Variants in MACROD2 observed in about 807,000 individuals in gnomAD.
The protein encoded by MACROD2 is mono-ADP ribosylhydrolase 2.
In MACROD2, 36 loss-of-function variants were observed where a neutral mutation model predicts 70.4. That is an observed-to-expected ratio of 0.51 (90% confidence interval 0.39 to 0.68). MACROD2 has a LOEUF of 0.68. Among genes scored for constraint, MACROD2 ranks in the 30% least tolerant of loss-of-function variants. The pLI is 0.00. For synonymous variants in MACROD2, 172 were observed against 178.8 expected, an observed-to-expected ratio of 0.96 and a Z score of 0.30; for missense variants, 496 against 538.4, an observed-to-expected ratio of 0.92 and a Z score of 0.78.
At chr20:15,016,504 T>A (rs1401446081) in intron 5 of MACROD2, among the ~76,000 whole-genome samples, 2 of 152,114 alleles carry the variant, frequency 1.3e-5, no homozygotes, top group Non-Finnish European at 2.9e-5. Context: ...GGCAGATCCC[T>A]CAAGATGGCT....
At chr20:14,886,992 T>C (rs560203133) in intron 5 of MACROD2, among the ~76,000 whole-genome samples, 32 of 152,260 alleles carry the variant, frequency 2.1e-4, no homozygotes, top group Middle Eastern at 3.4e-3. Context: ...TCTCTGAAAA[T>C]AAATGTTCAT....
chr20:14,207,142 G>C (rs1259175667), intron 3 of MACROD2, among the ~76,000 whole-genome samples: 1 of 151,634 alleles, frequency 6.6e-6, no homozygotes, highest in Non-Finnish European at 1.5e-5. Context: ...GTCTTGCTCT[G>C]TCACTCAGGC....
intron 5 of MACROD2, among the ~76,000 whole-genome samples, chr20:15,134,790 G>C (rs989378078): frequency 1.3e-5 from 2 of 152,058 alleles, no homozygotes; most frequent in African/African-American, 4.8e-5. Context: ...CTGGTTTTTT[G>C]AAAGGATCAA....
In MACROD2 at chr20:14,363,816, C is replaced by CAAAA. The variant is rs569929488; in HGVS notation, c.272-129633_272-129630dup. On this transcript the variant is annotated intron_variant, in intron 3 of 17. Coordinates refer to ENST00000684519, the MANE Select transcript of MACROD2 (RefSeq NM_001351661.2). ...TGGGCGACAGAGCCAGACTCTGTCT[C>CAAAA]AAAAAAAAAAAAAAAAAAAAAAAAA... Among the ~76,000 whole-genome samples the CAAAA allele has an allele frequency of 3.2e-3, 230 of 71,568 alleles. 5 individuals carry two copies. Among genetic ancestry groups the CAAAA allele is most frequent in the African/African-American group, 6.3e-3 (102 of 16,114 alleles). The allele number at this position is 71,568 out of a possible 152,430, so 47.0% of individuals were successfully genotyped here.
At chr20:14,446,768 C>T (rs564029584) in intron 3 of MACROD2, among the ~76,000 whole-genome samples, 15 of 152,132 alleles carry the variant, frequency 9.9e-5, no homozygotes, top group African/African-American at 3.6e-4. Context: ...ACACATTTCA[C>T]CAAACACTCC....
At chr20:15,213,942 A>G (rs535835600) in intron 5 of MACROD2, among the ~76,000 whole-genome samples, 4 of 151,626 alleles carry the variant, frequency 2.6e-5, no homozygotes, top group East Asian at 3.9e-4. Context: ...CACGGTCTCC[A>G]TAAAAGAAAC....
At chr20:14,510,500 A>C (rs2085017941) in intron 4 of MACROD2, among the ~76,000 whole-genome samples, 1 of 152,060 alleles carries the variant, frequency 6.6e-6, no homozygotes. Flanking sequence ...CTCCTCTTGA[A>C]TATTTTAGTG....
intron 8 of MACROD2, among the ~76,000 whole-genome samples, chr20:15,862,431 C>T (rs73898563): frequency 0.046 from 7,077 of 152,200 alleles, 359 homozygotes; most frequent in East Asian, 0.13. Context: ...GCTATCCTGT[C>T]GGAATCTCAG....
intron 5 of MACROD2, among the ~76,000 whole-genome samples, chr20:14,977,345 T>G (rs1430642047): frequency 6.6e-6 from 1 of 151,452 alleles, no homozygotes; most frequent in Admixed American, 6.6e-5. Flanking sequence ...CAACTTAGCT[T>G]CTTCTTTTTA....
At chr20:14,654,545 CAAA>C (rs202212319) in intron 4 of MACROD2, among the ~76,000 whole-genome samples, 1 of 83,716 alleles carries the variant, frequency 1.2e-5, no homozygotes, top group African/African-American at 4.7e-5. Flanking sequence ...GACTCCATCT[CAAA>C]AAAAAAAAAA....
intron 4 of MACROD2, among the ~76,000 whole-genome samples, chr20:14,576,728 C>A (rs1980626362): frequency 6.6e-6 from 1 of 152,014 alleles, no homozygotes; most frequent in Non-Finnish European, 1.5e-5. Flanking sequence ...AGAGGCCACC[C>A]CCTTTTAAAA....
At position 15,707,930 on chromosome 20, in the gene MACROD2, C is replaced by T. The variant is rs980470646; in HGVS notation, c.646-154815C>T. Among the ~76,000 whole-genome samples, 12 of 151,000 alleles carry T rather than the reference C, an allele frequency of 7.9e-5. No individual in the cohort carries two copies. In the South Asian group the frequency reaches 8.3e-4, roughly 10 times the overall value. On this transcript the variant is annotated intron_variant, in intron 8 of 17. Coordinates refer to ENST00000684519, the MANE Select transcript of MACROD2 (RefSeq NM_001351661.2). Reference sequence around the variant, plus strand: ...AAGGCTGCATGGTGTGAGTGGTCACCGAGTTCTTCTCTTAAAGGCAGTGAT... The same window carrying T: ...AAGGCTGCATGGTGTGAGTGGTCACTGAGTTCTTCTCTTAAAGGCAGTGAT...
chr20:15,657,952 C>T (rs897183285), intron 8 of MACROD2, among the ~76,000 whole-genome samples: 39 of 152,238 alleles, frequency 2.6e-4, no homozygotes, highest in African/African-American at 9.4e-4. Flanking sequence ...GAGACTGAGC[C>T]ATTGCACTCC....
At chr20:14,011,054 G>A (rs913878458) in intron 2 of MACROD2, among the ~76,000 whole-genome samples, 1 of 152,052 alleles carries the variant, frequency 6.6e-6, no homozygotes, top group Non-Finnish European at 1.5e-5. Flanking sequence ...TGTGTGTAGT[G>A]CTGCTTAAAG....
Position 15,009,291 on chromosome 20 carries a change from A to G in MACROD2, c.419-220649A>G, listed in dbSNP as rs73093936. On this transcript the variant is annotated intron_variant, in intron 5 of 17. Transcript: ENST00000684519. ...GCCCCTTAAGTTGATTCCTCCCCAAAGAAGCCTAAAACATATAGGATTCTT... is the reference window on the plus strand; with the variant it reads ...GCCCCTTAAGTTGATTCCTCCCCAAGGAAGCCTAAAACATATAGGATTCTT... Among the ~76,000 whole-genome samples, 638 of 152,232 alleles carry G rather than the reference A, an allele frequency of 4.2e-3. 1 individual carries two copies. Among genetic ancestry groups the G allele is most frequent in the Non-Finnish European group, 6.8e-3 (464 of 68,012 alleles).
At chr20:15,753,058 A>C (rs550900889) in intron 8 of MACROD2, among the ~76,000 whole-genome samples, 2 of 152,030 alleles carry the variant, frequency 1.3e-5, no homozygotes, top group East Asian at 3.9e-4. Context: ...GCAGTTGACC[A>C]TGTGTAGATC....
intron 8 of MACROD2, among the ~76,000 whole-genome samples, chr20:15,721,592 A>AT (rs2050788051): frequency 6.6e-6 from 1 of 152,160 alleles, no homozygotes; most frequent in African/African-American, 2.4e-5. Context: ...TTATTTTAGA[A>AT]TTTTTTCCTA....
At chr20:15,653,237 T>G (rs2049673337) in intron 8 of MACROD2, among the ~76,000 whole-genome samples, 1 of 152,228 alleles carries the variant, frequency 6.6e-6, no homozygotes, top group African/African-American at 2.4e-5. Flanking sequence ...GCACATAAAT[T>G]GCTATGTCTT....
chr20:15,191,945 G>GAGAA lies in MACROD2; in HGVS notation c.419-37995_419-37994insAGAA, dbSNP rs1555791172. On this transcript the variant is annotated intron_variant, in intron 5 of 17. Coordinates refer to ENST00000684519, the MANE Select transcript of MACROD2 (RefSeq NM_001351661.2). ...ATATATATATATAGAGAGAGAGAGA[G>GAGAA]TTAATACATATATACAACTTTATAT... Among the ~76,000 whole-genome samples the GAGAA allele has an allele frequency of 1.4e-3, 185 of 132,188 alleles. 1 individual carries two copies. The highest frequency in any genetic ancestry group is 3.2e-3 in the South Asian group (12 of 3,802). 86.7% of individuals were successfully genotyped at this position (132,188 alleles called of 152,430 possible). A position where few individuals can be genotyped will look rare whatever the true frequency, so the allele number is the denominator to read the frequency against.
Sources: allele counts gnomAD v4.1 joint callset (sites outside exome capture counted in the v4.1 genomes callset), GRCh38; gene constraint gnomAD v4.1.1; transcripts MANE v1.5; gene names NCBI Gene and HGNC (gene_info 2026-07-23, HGNC 2026-07-21).